KLHL29: variants seen among roughly 807,000 people sequenced by gnomAD.
KLHL29 encodes kelch-like protein 29.
KLHL29 carries 21 observed loss-of-function variants against 80.4 expected under a neutral mutation model. The ratio of observed to expected loss-of-function variants is 0.26; its 90% confidence interval spans 0.19 to 0.38. The LOEUF is 0.38. Ranked by LOEUF, KLHL29 falls within the 10% of genes least tolerant of loss-of-function variation. The probability of loss-of-function intolerance (pLI) is 1.00; values close to 1 mark genes in which losing one functional copy is unlikely to be tolerated. For synonymous variants in KLHL29, 511 were observed against 526.8 expected (o/e 0.97, Z 0.41); for missense variants, 867 against 1,223.9 (o/e 0.71, Z 4.35).
intron 3 of KLHL29, among the ~76,000 whole-genome samples, chr2:23,577,915 G>A (rs988338927): frequency 6.6e-6 from 1 of 152,166 alleles, no homozygotes; most frequent in Non-Finnish European, 1.5e-5. Flanking sequence ...TCCTGTCTCT[G>A]TTCGGAATGC....
At chr2:23,587,123 C>T (rs1382649148) in intron 3 of KLHL29, among the ~76,000 whole-genome samples, 4 of 152,126 alleles carry the variant, frequency 2.6e-5, no homozygotes, top group African/African-American at 9.7e-5. Flanking sequence ...TGTTAAATTG[C>T]AGCAATTTTG....
At position 23,684,092 on chromosome 2, in the gene KLHL29, A is replaced by G. The variant is rs576966933; in HGVS notation, c.941-307A>G. ...TGATAATGTATTCTCTATGTTTCCA[A>G]TCGTCAGTATGGGAATCTCTCCCCC... On this transcript the variant is annotated intron_variant, in intron 5 of 13. Coordinates refer to ENST00000486442, the MANE Select transcript of KLHL29 (RefSeq NM_052920.2). This position sits in a 1 kb window ranked among gnomAD's most constrained non-coding sequence, Gnocchi z 4.4. Among the ~76,000 whole-genome samples, 19 of 152,082 alleles carry G rather than the reference A, an allele frequency of 1.2e-4. No homozygotes were observed. The highest frequency in any genetic ancestry group is 3.9e-4 in the East Asian group (2 of 5,172).
rs1665142562 is a variant in KLHL29 at position 23,492,811 on chromosome 2, C to T, written c.-46+17144C>T. On this transcript the variant is annotated intron_variant, in intron 2 of 13. Coordinates refer to ENST00000486442, the MANE Select transcript of KLHL29 (RefSeq NM_052920.2). ...ACAGACAGAGCTAGTCCTGGCTGGT[C>T]CCGAACCTCCTCTTTTTTTTGCCCA... 2.0e-5 allele frequency among the ~76,000 whole-genome samples: 3 copies of T among 152,216 alleles called. No individual in the cohort carries two copies. The South Asian group carries it at 6.2e-4, about 32-fold the overall frequency.
At chr2:23,548,284 C>T (rs1167752848) in intron 2 of KLHL29, among the ~76,000 whole-genome samples, 1 of 151,122 alleles carries the variant, frequency 6.6e-6, no homozygotes, top group Non-Finnish European at 1.5e-5. Context: ...CACAGGCGCA[C>T]ACACACAAAC....
intron 2 of KLHL29, among the ~76,000 whole-genome samples, chr2:23,477,198 C>A (rs907889924): frequency 6.6e-6 from 1 of 152,278 alleles, no homozygotes; most frequent in Non-Finnish European, 1.5e-5. Context: ...CACCCTCATG[C>A]CTTCTGACCG....
chr2:23,468,798 A>T (rs1664419397), intron 1 of KLHL29, among the ~76,000 whole-genome samples: 1 of 152,208 alleles, frequency 6.6e-6, no homozygotes, highest in African/African-American at 2.4e-5. Context: ...ATCACCAGGC[A>T]AAAGACAGAC....
intron 1 of KLHL29, among the ~76,000 whole-genome samples, chr2:23,474,893 C>T (rs1664590608): frequency 6.6e-6 from 1 of 151,912 alleles, no homozygotes; most frequent in Non-Finnish European, 1.5e-5. Flanking sequence ...TGGGGGATGC[C>T]ATTTCCCGTT....
At chr2:23,559,847 C>T (rs1482850080) in intron 2 of KLHL29, among the ~76,000 whole-genome samples, 1 of 151,824 alleles carries the variant, frequency 6.6e-6, no homozygotes, top group East Asian at 1.9e-4. Flanking sequence ...ATCTGGAACC[C>T]GGAGGAGCCC....
rs1667030014 is a variant in KLHL29 at position 23,548,293 on chromosome 2, ACACACACAGG to A, written c.-45-13850_-45-13841del. On this transcript the variant is annotated intron_variant, in intron 2 of 13. Transcript: ENST00000486442. ...CAGACACACAGGCGCACACACACAAACACACACAGGCACACACACACACAGACACAAGCAC... is the reference window on the plus strand; with the variant it reads ...CAGACACACAGGCGCACACACACAAACACACACACACACAGACACAAGCAC... Among the ~76,000 whole-genome samples the A allele has an allele frequency of 2.8e-5, 4 of 144,318 alleles. No homozygotes were observed. In the East Asian group the frequency reaches 7.7e-4, roughly 28 times the overall value. 94.7% of individuals were successfully genotyped at this position (144,318 alleles called of 152,430 possible).
chr2:23,562,534 C>T lies in KLHL29; in HGVS notation c.285+53C>T. ...GAGCCGGACAGAGGGGCCCTGCCTC[C>T]CTGCAGGCTCAGGCCAGCCCCACAG... On this transcript the variant is annotated intron_variant, in intron 3 of 13. Coordinates refer to ENST00000486442, the MANE Select transcript of KLHL29 (RefSeq NM_052920.2). The surrounding 1 kb of genome is among the most constrained non-coding windows in gnomAD (Gnocchi z 4.5). 1 of 1,516,564 alleles carries T rather than the reference C, an allele frequency of 6.6e-7. No homozygotes were observed. The highest frequency in any genetic ancestry group is 8.8e-7 in the Non-Finnish European group (1 of 1,134,316). The allele number at this position is 1,516,564 out of a possible 1,614,324, so 93.9% of individuals were successfully genotyped here. A position where few individuals can be genotyped will look rare whatever the true frequency, so the allele number is the denominator to read the frequency against.
At chr2:23,511,948 A>C (rs776682765) in intron 2 of KLHL29, among the ~76,000 whole-genome samples, 1 of 152,154 alleles carries the variant, frequency 6.6e-6, no homozygotes, top group Non-Finnish European at 1.5e-5. Flanking sequence ...CTTCCGATAC[A>C]CATATTGATC....
Position 23,682,885 on chromosome 2 carries a change from G to A in KLHL29, c.941-1514G>A, listed in dbSNP as rs1019660301. ...GTGACTTGGGGTTGGCGGGGTCAGT[G>A]ATTCGGCCTTGCCATGGCTCCCAGA... On this transcript the variant is annotated intron_variant, in intron 5 of 13. Transcript: ENST00000486442. This position sits in a 1 kb window ranked among gnomAD's most constrained non-coding sequence, Gnocchi z 4.1. Among the ~76,000 whole-genome samples, 3 of 11,376 alleles carry A rather than the reference G, an allele frequency of 2.6e-4. No individual in the cohort carries two copies. Among genetic ancestry groups the A allele is most frequent in the African/African-American group, 1.3e-3 (3 of 2,400 alleles). 7.5% of individuals were successfully genotyped at this position (11,376 alleles called of 152,430 possible). A position where few individuals can be genotyped will look rare whatever the true frequency, so the allele number is the denominator to read the frequency against.
At chr2:23,391,908 T>C (rs1666331146) in intron 1 of KLHL29, among the ~76,000 whole-genome samples, 1 of 152,250 alleles carries the variant, frequency 6.6e-6, no homozygotes, top group African/African-American at 2.4e-5. Flanking sequence ...GATCTCATGC[T>C]TTCCTTGGGG....
intron 1 of KLHL29, among the ~76,000 whole-genome samples, chr2:23,437,135 A>T (rs1663368072): frequency 6.6e-6 from 1 of 152,228 alleles, no homozygotes; most frequent in Non-Finnish European, 1.5e-5. Flanking sequence ...GGCAAAGTGT[A>T]CTAAGCAGGC....
chr2:23,458,606 A>C (rs919386642), intron 1 of KLHL29, among the ~76,000 whole-genome samples: 8 of 152,262 alleles, frequency 5.3e-5, no homozygotes, highest in Admixed American at 3.9e-4. Flanking sequence ...ATAGCTCTAC[A>C]GCCAGGATGG....
chr2:23,407,463 TCTTTTTTCTTATTG>T (rs1340468670), intron 1 of KLHL29, among the ~76,000 whole-genome samples: 16 of 152,302 alleles, frequency 1.1e-4, no homozygotes, highest in Non-Finnish European at 2.2e-4. Context: ...TTTATATTCA[TCTTTTTTCTTATTG>T]ATTTTTAAGA....
At chr2:23,666,655 C>T (rs1439536130) in intron 5 of KLHL29, among the ~76,000 whole-genome samples, 4 of 152,248 alleles carry the variant, frequency 2.6e-5, no homozygotes, top group African/African-American at 9.6e-5. Flanking sequence ...GGGCACTCAC[C>T]TCTGATCGTG....
intron 5 of KLHL29, among the ~76,000 whole-genome samples, chr2:23,654,705 G>GCGT (rs1553350661): frequency 1.1e-5 from 1 of 89,676 alleles, no homozygotes; most frequent in Non-Finnish European, 2.6e-5. Flanking sequence ...TTGGGGGGGG[G>GCGT]GGGTGGATGT....
rs1668653493 is a variant in KLHL29, at chr2:23,604,415, C to G, written c.286-34724C>G. On this transcript the variant is annotated intron_variant, in intron 3 of 13. Transcript: ENST00000486442. ...CGGCCTGGAAGATCATTTCTATTCT[C>G]TATAACTGAGGCAGTTGCTGCTGGT... 6.6e-5 allele frequency among the ~76,000 whole-genome samples: 10 copies of G among 152,180 alleles called. No homozygotes were observed. The South Asian group carries it at 2.1e-3, about 32-fold the overall frequency.
Sources: allele counts gnomAD v4.1 joint callset (sites outside exome capture counted in the v4.1 genomes callset), GRCh38; gene constraint gnomAD v4.1.1; non-coding constraint Gnocchi (gnomAD v3.1); transcripts MANE v1.5; gene names NCBI Gene and HGNC (gene_info 2026-07-23, HGNC 2026-07-21).